MAP4K4: variants seen among roughly 807,000 people sequenced by gnomAD.
The protein encoded by MAP4K4 is mitogen-activated protein kinase kinase kinase kinase 4, also known as HPK/GCK-like kinase HGK.
A neutral mutation model predicts 189.6 loss-of-function variants in MAP4K4; 38 were observed. The ratio of observed to expected loss-of-function variants is 0.20; its 90% confidence interval spans 0.15 to 0.26. MAP4K4 has a LOEUF of 0.26. Among genes scored for constraint, MAP4K4 ranks in the 10% least tolerant of loss-of-function variants. The pLI is 1.00. For missense variants in MAP4K4, 1,054 were observed against 1,726.9 expected, an observed-to-expected ratio of 0.61 and a Z score of 6.91; for synonymous variants, 610 against 624.3, an observed-to-expected ratio of 0.98 and a Z score of 0.34.
At chr2:101,888,005 T>A (rs1475305835) in intron 31 of MAP4K4, 68 bp downstream of exon 31, 1 of 1,409,984 alleles carries the variant, frequency 7.1e-7, no homozygotes, top group Non-Finnish European at 9.6e-7. Flanking sequence ...CATTTATTTA[T>A]CATGCTGATT....
chr2:101,729,812 G>T (rs1396083400), intron 2 of MAP4K4, among the ~76,000 whole-genome samples: 1 of 152,152 alleles, frequency 6.6e-6, no homozygotes, highest in Non-Finnish European at 1.5e-5. Context: ...GTGAAATCTT[G>T]TTACAGCTCC....
exon 12 of MAP4K4, chr2:101,844,186 C>G (rs1395893804): frequency 6.2e-7 from 1 of 1,610,744 alleles, no homozygotes; most frequent in East Asian, 2.2e-5. Context: ...TTCCGAGGCT[C>G]TTCGGAGACA....
chr2:101,873,903 T>G, intron 25 of MAP4K4, 139 bp downstream of exon 25: 1 of 784,832 alleles, frequency 1.3e-6, no homozygotes, highest in South Asian at 1.8e-5. Flanking sequence ...GTTGTATGCC[T>G]TATTTGCAAT....
intron 3 of MAP4K4, among the ~76,000 whole-genome samples, chr2:101,796,574 A>G (rs1244801719): frequency 6.6e-6 from 1 of 152,222 alleles, no homozygotes; most frequent in Non-Finnish European, 1.5e-5. Flanking sequence ...TTTTTAAGTA[A>G]GCTCGTTGAG....
intron 14 of MAP4K4, 71 bp from the exon 15 acceptor site, chr2:101,859,565 TAAAAGCC>T: frequency 8.6e-7 from 1 of 1,157,122 alleles, no homozygotes; most frequent in Admixed American, 2.8e-5. Flanking sequence ...TCACTTTTTT[TAAAAGCC>T]GAACAAATCC....
chr2:101,835,518 A>G (rs2149475640), intron 8 of MAP4K4, among the ~76,000 whole-genome samples: 1 of 152,326 alleles, frequency 6.6e-6, no homozygotes, highest in South Asian at 2.1e-4. Flanking sequence ...TGTTCCAGGC[A>G]TTGTATGAAG....
chr2:101,796,701 A>G (rs1188249670), intron 3 of MAP4K4, among the ~76,000 whole-genome samples: 2 of 152,164 alleles, frequency 1.3e-5, no homozygotes, highest in Non-Finnish European at 2.9e-5. Flanking sequence ...TTAAGACTAC[A>G]GTGTCTGTGA....
chr2:101,891,746 T>G (rs2098570070), exon 33 of MAP4K4: 1 of 153,414 alleles, frequency 6.5e-6, no homozygotes, highest in East Asian at 1.9e-4. Context: ...AATTGACATT[T>G]CTTTTTTGTA....
chr2:101,857,959 CCTT>C (rs1442508953), intron 13 of MAP4K4, among the ~76,000 whole-genome samples: 1 of 152,200 alleles, frequency 6.6e-6, no homozygotes, highest in Non-Finnish European at 1.5e-5. Context: ...TCCTCGTAGT[CCTT>C]CTTAGTCTAT....
chr2:101,698,834 TTTTC>T (rs1359749645), intron 2 of MAP4K4, among the ~76,000 whole-genome samples: 2 of 152,158 alleles, frequency 1.3e-5, no homozygotes, highest in Non-Finnish European at 2.9e-5. Flanking sequence ...AACCTGAATT[TTTTC>T]TTTTTTTCCC....
intron 2 of MAP4K4, among the ~76,000 whole-genome samples, chr2:101,782,511 A>G (rs2150574742): frequency 6.6e-6 from 1 of 152,358 alleles, no homozygotes; most frequent in East Asian, 1.9e-4. Flanking sequence ...GCTCATCTGC[A>G]GCCCTGATCA....
intron 2 of MAP4K4, among the ~76,000 whole-genome samples, chr2:101,732,659 G>A (rs913891060): frequency 1.3e-5 from 2 of 151,994 alleles, no homozygotes; most frequent in African/African-American, 4.8e-5. Context: ...GCACCATCTC[G>A]GCTCACTGCA....
At chr2:101,805,946 T>G (rs1033225789) in intron 3 of MAP4K4, among the ~76,000 whole-genome samples, 2 of 152,154 alleles carry the variant, frequency 1.3e-5, no homozygotes, top group African/African-American at 4.8e-5. Flanking sequence ...ACTTGCAGCA[T>G]GTCCTCCCCC....
At chr2:101,853,436 A>G (rs1425908430) in intron 12 of MAP4K4, among the ~76,000 whole-genome samples, 3 of 152,174 alleles carry the variant, frequency 2.0e-5, no homozygotes, top group Non-Finnish European at 4.4e-5. Context: ...GGAATTTTTG[A>G]GTTTTTTTCT....
intron 3 of MAP4K4, among the ~76,000 whole-genome samples, chr2:101,793,250 C>A (rs765485910): frequency 3.1e-4 from 47 of 152,184 alleles, no homozygotes; most frequent in Non-Finnish European, 5.4e-4. Context: ...ACCATATTGT[C>A]CATGTTTCTT....
At chr2:101,879,547 A>G (rs958125395) in intron 27 of MAP4K4, among the ~76,000 whole-genome samples, 8 of 152,162 alleles carry the variant, frequency 5.3e-5, no homozygotes, top group Admixed American at 1.3e-4. Flanking sequence ...CCTGCAAACA[A>G]TTCCCCAAAA....
chr2:101,873,540 C>T (rs2098115874), intron 24 of MAP4K4, 107 bp from the exon 25 acceptor site: 2 of 655,050 alleles, frequency 3.1e-6, no homozygotes, highest in East Asian at 2.9e-5. Flanking sequence ...GCAAATAGAG[C>T]AAAGTATTGG....
intron 2 of MAP4K4, among the ~76,000 whole-genome samples, chr2:101,731,731 A>G (rs745808832): frequency 8.6e-5 from 13 of 151,612 alleles, no homozygotes; most frequent in Admixed American, 3.9e-4. Flanking sequence ...AGACTGGGTG[A>G]CAAAGGGAGA....
chr2:101,851,940 C>G (rs1462927400), intron 12 of MAP4K4, among the ~76,000 whole-genome samples: 1 of 151,448 alleles, frequency 6.6e-6, no homozygotes. Flanking sequence ...ATCTGTGGTG[C>G]TTAATAAGTA....
Sources: allele counts gnomAD v4.1 joint callset (sites outside exome capture counted in the v4.1 genomes callset), GRCh38; gene constraint gnomAD v4.1.1; transcripts MANE v1.5; gene names NCBI Gene and HGNC (gene_info 2026-07-23, HGNC 2026-07-21).